HLA-DRB5: variants seen among roughly 807,000 people sequenced by gnomAD.
HLA-DRB5 encodes DR beta-5.
Under a neutral mutation model 22.4 loss-of-function variants are expected in HLA-DRB5, and 11 were observed. The observed-to-expected ratio is 0.49, with a 90% CI of 0.31 to 0.81. The LOEUF (loss-of-function observed/expected upper bound fraction) is 0.81, where lower values mean the gene tolerates loss of function less well. HLA-DRB5 is among the 40% of genes least tolerant of loss of function. The probability of loss-of-function intolerance (pLI) is 0.05; values close to 1 mark genes in which losing one functional copy is unlikely to be tolerated. For synonymous variants in HLA-DRB5, 57 were observed against 106.0 expected, an observed-to-expected ratio of 0.54 and a Z score of 2.84; for missense variants, 106 against 274.4, an observed-to-expected ratio of 0.39 and a Z score of 4.34.
At chr6:32,518,351 C>G (rs186819860) in intron 4 of HLA-DRB5, among the ~76,000 whole-genome samples, 18 of 32,508 alleles carry the variant, frequency 5.5e-4, no homozygotes, top group Admixed American at 1.3e-3. Context: ...TAACCTTTCT[C>G]TTATCTCTGC....
Position 32,519,707 on chromosome 6 carries a change from T to TGG in HLA-DRB5, c.371-57_371-56insCC, listed in dbSNP as rs1562426226. 793 of 471,812 alleles carry TGG rather than the reference T, an allele frequency of 1.7e-3. 20 individuals carry two copies. The highest frequency in any genetic ancestry group is 3.5e-3 in the Admixed American group (71 of 20,002). 29.2% of individuals were successfully genotyped at this position (471,812 alleles called of 1,614,324 possible). A position where few individuals can be genotyped will look rare whatever the true frequency, so the allele number is the denominator to read the frequency against. On this transcript the variant is annotated intron_variant, in intron 2 of 5. Transcript: ENST00000374975. ...TCAGGAAGACAGAGTGAATCTCCCT[T>TGG]TTTGGCTGTTTGTCTGCTTCTCTGT...
chr6:32,523,103 C>G (rs1282896689), intron 1 of HLA-DRB5, among the ~76,000 whole-genome samples: 913 of 24,186 alleles, frequency 0.038, 11 homozygotes, highest in East Asian at 0.14. Flanking sequence ...GAGATTTATG[C>G]TAAAGACAGT....
intron 1 of HLA-DRB5, among the ~76,000 whole-genome samples, chr6:32,524,469 C>T (rs1051093947): frequency 9.4e-5 from 10 of 106,238 alleles, no homozygotes; most frequent in African/African-American, 3.1e-4. Flanking sequence ...ATCAAATTAC[C>T]AGCCTTGGCC....
chr6:32,521,308 A>G (rs1251039119), intron 2 of HLA-DRB5, among the ~76,000 whole-genome samples: 1,473 of 100,518 alleles, frequency 0.015, no homozygotes, highest in Admixed American at 0.019. Flanking sequence ...CAGAAAAAAT[A>G]GCAAGAAATT....
rs77866376 is a variant in HLA-DRB5 at position 32,519,398 on chromosome 6, G to A, written c.624C>T (p.Ser208=). 0.19 allele frequency: 213,375 copies of A among 1,144,906 alleles called. 28,457 individuals are homozygous for A. Among genetic ancestry groups the A allele is most frequent in the Non-Finnish European group, 0.21 (177,814 of 859,670 alleles). 70.9% of individuals were successfully genotyped at this position (1,144,906 alleles called of 1,614,324 possible). A position where few individuals can be genotyped will look rare whatever the true frequency, so the allele number is the denominator to read the frequency against. ...ATTCCACTGTGAGAGGGCTCGTCAC[G>A]CTTGGGTGCTCCACTTGGCAGGTGT... ...EVYTCQVEHP[S]VTSPLTVEWR... Residue 208 remains serine (S), a synonymous_variant, in exon 3 of 6, where the codon AGC becomes AGT. Transcript: ENST00000374975.
rs374342261 is a variant in HLA-DRB5 at position 32,522,965 on chromosome 6, ACTT to A, written c.101-794_101-792del. ...CATGCACAAAAGCTTGAATTGATGA[ACTT>A]CTTCAAGAAACTAGAACAAAGTTCA... On this transcript the variant is annotated intron_variant, in intron 1 of 5. Coordinates refer to ENST00000374975, the MANE Select transcript of HLA-DRB5 (RefSeq NM_002125.4). Among the ~76,000 whole-genome samples the A allele has an allele frequency of 2.8e-3, 300 of 108,344 alleles. 2 individuals are homozygous for A. Among genetic ancestry groups the A allele is most frequent in the Admixed American group, 3.8e-3 (39 of 10,146 alleles). 71.1% of individuals were successfully genotyped at this position (108,344 alleles called of 152,430 possible). A position where few individuals can be genotyped will look rare whatever the true frequency, so the allele number is the denominator to read the frequency against.
intron 1 of HLA-DRB5, among the ~76,000 whole-genome samples, chr6:32,524,676 C>T (rs76784864): frequency 0.77 from 87,534 of 113,162 alleles, 38,646 homozygotes; most frequent in Middle Eastern, 0.83. Context: ...GTCTATCTTT[C>T]TATTCCTAAA....
chr6:32,520,625 G>A (rs112964544), intron 2 of HLA-DRB5, among the ~76,000 whole-genome samples: 14,128 of 99,820 alleles, frequency 0.14, 274 homozygotes, highest in Admixed American at 0.22. Flanking sequence ...CATTACTTGG[G>A]GTGCTTATGC....
At chr6:32,525,977 A>C (rs200284005) in intron 1 of HLA-DRB5, among the ~76,000 whole-genome samples, 8,278 of 21,312 alleles carry the variant, frequency 0.39, 2,875 homozygotes, top group East Asian at 0.47. Context: ...TATTTCCTTG[A>C]TAATAATGAC....
chr6:32,522,370 GC>G (rs1219992031), intron 1 of HLA-DRB5, among the ~76,000 whole-genome samples, 196 bp from the exon 2 acceptor site: 156 of 44,904 alleles, frequency 3.5e-3, no homozygotes, highest in Admixed American at 5.4e-3. Context: ...GGGGGACCAG[GC>G]AGGAAAACCC....
At chr6:32,529,495 C>T (rs189809441) in intron 1 of HLA-DRB5, among the ~76,000 whole-genome samples, 1 of 54,780 alleles carries the variant, frequency 1.8e-5, no homozygotes, top group Non-Finnish European at 3.7e-5. Flanking sequence ...TGTAGGGTGA[C>T]TCCACATACT....
chr6:32,524,644 T>A (rs76816118), intron 1 of HLA-DRB5, among the ~76,000 whole-genome samples: 18,660 of 103,858 alleles, frequency 0.18, 1,552 homozygotes, highest in Admixed American at 0.22. Context: ...GGCAGAGAGG[T>A]GTGCACCCTG....
intron 2 of HLA-DRB5, among the ~76,000 whole-genome samples, chr6:32,520,660 G>C (rs112475079): frequency 1.5e-5 from 1 of 65,254 alleles, no homozygotes; most frequent in Admixed American, 1.6e-4. Context: ...AACACTAGCA[G>C]ACTCTCAATA....
intron 1 of HLA-DRB5, among the ~76,000 whole-genome samples, chr6:32,528,591 A>G (rs111536825): frequency 1.3e-4 from 5 of 38,162 alleles, no homozygotes; most frequent in East Asian, 6.8e-4. Context: ...CCTCCTTCTA[A>G]TTGGAAGAAG....
intron 1 of HLA-DRB5, among the ~76,000 whole-genome samples, chr6:32,527,715 A>G (rs113929181): frequency 0.1 from 3,728 of 35,946 alleles, 1,725 homozygotes; most frequent in Middle Eastern, 0.26. Flanking sequence ...TGTCTCTAGT[A>G]AAAACACAGA....
intron 1 of HLA-DRB5, among the ~76,000 whole-genome samples, chr6:32,526,042 T>C (rs1769580317): frequency 8.5e-6 from 1 of 116,994 alleles, no homozygotes; most frequent in African/African-American, 3.3e-5. Flanking sequence ...TTTAGCCTTT[T>C]CCTTTTGATC....
chr6:32,519,839 G>A lies in HLA-DRB5; in HGVS notation c.371-188C>T, dbSNP rs555925171. ...TTTATAGTGGGGGCTCATCAGATTT[G>A]AGAGATGTGAAAAATTGTGTTTGTT... On this transcript the variant is annotated intron_variant, in intron 2 of 5. Coordinates refer to ENST00000374975, the MANE Select transcript of HLA-DRB5 (RefSeq NM_002125.4). Among the ~76,000 whole-genome samples, 4 of 73,592 alleles carry A rather than the reference G, an allele frequency of 5.4e-5. 1 individual carries two copies. The highest frequency in any genetic ancestry group is 1.1e-4 in the Non-Finnish European group (4 of 35,092). The allele number at this position is 73,592 out of a possible 152,430, so 48.3% of individuals were successfully genotyped here. A position where few individuals can be genotyped will look rare whatever the true frequency, so the allele number is the denominator to read the frequency against.
At chr6:32,519,289 G>T (rs535648472) in intron 3 of HLA-DRB5, 81 bp downstream of exon 3, 103,977 of 665,018 alleles carry the variant, frequency 0.16, 110 homozygotes, top group Admixed American at 0.26. Flanking sequence ...GGATGTGGGA[G>T]ATGAGAAACC....
At chr6:32,525,613 C>T (rs141997265) in intron 1 of HLA-DRB5, among the ~76,000 whole-genome samples, 30,209 of 72,170 alleles carry the variant, frequency 0.42, 6,360 homozygotes, top group Middle Eastern at 0.47. Context: ...GGACTTTCTA[C>T]ATGCTCAGAT....
Sources: gnomAD v4.1 joint callset for allele counts (sites outside exome capture counted in the v4.1 genomes callset) on GRCh38, gnomAD v4.1.1 for gene constraint, MANE v1.5 for transcripts, NCBI Gene and HGNC (gene_info 2026-07-23, HGNC 2026-07-21) for gene names.